Variants in ADAM12 observed in about 807,000 individuals in gnomAD.
ADAM12 encodes the protein disintegrin and metalloproteinase domain-containing protein 12.
ADAM12 carries 70 observed loss-of-function variants against 106.4 expected under a neutral mutation model. That is an observed-to-expected ratio of 0.66 (90% CI 0.54 to 0.80). The LOEUF is 0.80. Ranked by LOEUF, ADAM12 falls within the 30% of genes least tolerant of loss-of-function variation. The probability of loss-of-function intolerance (pLI) is 0.00; values close to 1 mark genes in which losing one functional copy is unlikely to be tolerated. For missense variants in ADAM12, 1,010 were observed against 1,171.9 expected (o/e 0.86, Z 2.02); for synonymous variants, 420 against 433.5 (o/e 0.97, Z 0.39).
At chr10:126,334,307 G>C (rs990090381) in intron 1 of ADAM12, among the ~76,000 whole-genome samples, 11 of 151,942 alleles carry the variant, frequency 7.2e-5, no homozygotes, top group Non-Finnish European at 1.0e-4. Context: ...TATATATTTG[G>C]GCATCAACAG....
chr10:126,266,666 T>C (rs10901576), intron 3 of ADAM12, among the ~76,000 whole-genome samples: 53,608 of 151,956 alleles, frequency 0.35, 9,630 homozygotes, highest in South Asian at 0.49. Flanking sequence ...AATTGGCTCA[T>C]GGTTCTGCAA....
At chr10:126,182,522 A>T (rs1957331489) in intron 3 of ADAM12, among the ~76,000 whole-genome samples, 1 of 152,258 alleles carries the variant, frequency 6.6e-6, no homozygotes, top group South Asian at 2.1e-4. Context: ...CAAAAGACGT[A>T]AAAGCATGAA....
chr10:126,126,370 T>A (rs1956206426), intron 5 of ADAM12, among the ~76,000 whole-genome samples: 1 of 152,190 alleles, frequency 6.6e-6, no homozygotes, highest in African/African-American at 2.4e-5. Context: ...TGCAACCTGC[T>A]TCCTGTCACT....
At chr10:126,299,826 T>C (rs964817854) in intron 2 of ADAM12, among the ~76,000 whole-genome samples, 1 of 152,112 alleles carries the variant, frequency 6.6e-6, no homozygotes, top group African/African-American at 2.4e-5. Flanking sequence ...GTATTTTTAG[T>C]AGAGACGGGG....
chr10:126,039,354 T>C lies in ADAM12; in HGVS notation c.2180A>G (p.Lys727Arg). The C allele has an allele frequency of 6.2e-7, 1 of 1,614,100 alleles. No individual in the cohort carries two copies. The highest frequency in any genetic ancestry group is 1.3e-5 in the African/African-American group (1 of 75,008). The change falls in exon 19 of 23, where the codon AAA becomes AGA. Residue 727 changes from lysine to arginine, a missense_variant. Physicochemically the swap from Lys to Arg is conservative, Grantham distance 26 (BLOSUM62 2). Coordinates refer to ENST00000448723, the MANE Select transcript of ADAM12 (RefSeq NM_001288973.2). Reference sequence around the variant, plus strand: ...CAGCAGTCGTATCAAGGTCTTCCTTTTGAGATAAACCACAAATCCGGCAGC... The same window carrying C: ...CAGCAGTCGTATCAAGGTCTTCCTTCTGAGATAAACCACAAATCCGGCAGC... ...LLAAGFVVYL[K>R]RKTLIRLLFT... is the part of the protein sequence containing the mutation.
intron 21 of ADAM12, among the ~76,000 whole-genome samples, chr10:126,032,895 G>A (rs1953994774): frequency 6.6e-6 from 1 of 152,112 alleles, no homozygotes; most frequent in African/African-American, 2.4e-5. Flanking sequence ...AATGAAATGG[G>A]AGTGGACTTT....
chr10:126,342,080 T>C (rs1247771772), intron 1 of ADAM12, among the ~76,000 whole-genome samples: 2 of 152,140 alleles, frequency 1.3e-5, no homozygotes, highest in Non-Finnish European at 2.9e-5. Context: ...ACAGCAGGAA[T>C]GTTCATTTCC....
At chr10:126,177,809 T>A (rs1957245809) in intron 3 of ADAM12, among the ~76,000 whole-genome samples, 1 of 152,160 alleles carries the variant, frequency 6.6e-6, no homozygotes, top group Admixed American at 6.5e-5. Flanking sequence ...AGAATGGGAA[T>A]TAACTGCGGC....
intron 2 of ADAM12, among the ~76,000 whole-genome samples, chr10:126,328,662 G>A (rs755032759): frequency 1.3e-5 from 2 of 152,134 alleles, no homozygotes; most frequent in Non-Finnish European, 2.9e-5. Flanking sequence ...TGAGCCCACT[G>A]GCATTACAAC....
At position 126,036,173 on chromosome 10, in the gene ADAM12, T is replaced by C; in HGVS notation, c.2502A>G (p.Pro834=). The C allele has an allele frequency of 6.7e-7, 1 of 1,500,588 alleles. No homozygotes were observed. The highest frequency in any genetic ancestry group is 1.3e-5 in the South Asian group (1 of 74,074). The allele number at this position is 1,500,588 out of a possible 1,614,324, so 93.0% of individuals were successfully genotyped here. A position where few individuals can be genotyped will look rare whatever the true frequency, so the allele number is the denominator to read the frequency against. The part of the protein sequence containing the change: ...RAPSVPARPL[P]AKPALRQAQG... Reference sequence around the variant, plus strand: ...GGGCCTGCCTAAGTGCAGGCTTGGCTGGCAGGGGTCTGGCAGGGACGCTAG... The same window carrying C: ...GGGCCTGCCTAAGTGCAGGCTTGGCCGGCAGGGGTCTGGCAGGGACGCTAG... Residue 834 remains proline (P), a synonymous_variant, in exon 21 of 23, where the codon CCA becomes CCG. Coordinates refer to ENST00000448723, the MANE Select transcript of ADAM12 (RefSeq NM_001288973.2).
intron 3 of ADAM12, among the ~76,000 whole-genome samples, chr10:126,248,648 GGTATGTATGTAT>G (rs144495308): frequency 4.1e-5 from 6 of 148,100 alleles, no homozygotes; most frequent in East Asian, 2.0e-4. Context: ...GAGCCTCACA[GGTATGTATGTAT>G]GTATGTATGT....
rs542985234 is a variant in ADAM12 at position 126,053,690 on chromosome 10, G to T, written c.1610-4021C>A. ...CGTGGAACAATTTTACTGAGATGACGTTTCCTTTGGTCTCAGTCTTTTTAT... is the reference window on the plus strand; with the variant it reads ...CGTGGAACAATTTTACTGAGATGACTTTTCCTTTGGTCTCAGTCTTTTTAT... On this transcript the variant is annotated intron_variant, in intron 14 of 22. Coordinates refer to ENST00000448723, the MANE Select transcript of ADAM12 (RefSeq NM_001288973.2). This position sits in a 1 kb window ranked among gnomAD's most constrained non-coding sequence, Gnocchi z 4.6. Among the ~76,000 whole-genome samples, 8 of 151,832 alleles carry T rather than the reference G, an allele frequency of 5.3e-5. No individual in the cohort carries two copies. The South Asian group carries it at 1.7e-3, about 32-fold the overall frequency.
intron 2 of ADAM12, among the ~76,000 whole-genome samples, chr10:126,321,198 A>G (rs1590777906): frequency 1.3e-5 from 2 of 152,220 alleles, no homozygotes; most frequent in Non-Finnish European, 2.9e-5. Flanking sequence ...CATAAAAAGC[A>G]TTACTCAGGA....
intron 14 of ADAM12, among the ~76,000 whole-genome samples, chr10:126,055,252 C>T (rs1207323243): frequency 1.3e-5 from 2 of 152,194 alleles, no homozygotes; most frequent in Non-Finnish European, 2.9e-5. Context: ...CTTCCAGACT[C>T]CCCCTGAGTC....
chr10:126,201,248 G>C (rs1446275403), intron 3 of ADAM12, among the ~76,000 whole-genome samples: 1 of 152,162 alleles, frequency 6.6e-6, no homozygotes, highest in Non-Finnish European at 1.5e-5. Flanking sequence ...GTTCTTTGCA[G>C]ACGTAACCAA....
At chr10:126,177,467 A>G (rs1957240369) in intron 3 of ADAM12, among the ~76,000 whole-genome samples, 1 of 152,192 alleles carries the variant, frequency 6.6e-6, no homozygotes, top group Non-Finnish European at 1.5e-5. Context: ...CTAAGACACA[A>G]AGAGATTACA....
At chr10:126,091,240 T>G (rs1039845924) in intron 11 of ADAM12, among the ~76,000 whole-genome samples, 8 of 152,196 alleles carry the variant, frequency 5.3e-5, no homozygotes, top group Non-Finnish European at 1.2e-4. Context: ...TTTACAGACA[T>G]GTGATCTCAT....
rs184970510 is a variant in ADAM12 at position 126,044,252 on chromosome 10, G to A, written c.1996-1104C>T. ...GGAGTTCAAGACCAGCCTAGCCAAC[G>A]TGGTGAAACCCTGTCTTTATAAAGA... On this transcript the variant is annotated intron_variant, in intron 17 of 22. Transcript: ENST00000448723. Among the ~76,000 whole-genome samples, 342 of 151,370 alleles carry A rather than the reference G, an allele frequency of 2.3e-3. 1 individual carries two copies. The highest frequency in any genetic ancestry group is 4.0e-3 in the Non-Finnish European group (273 of 67,908).
chr10:126,380,233 T>A (rs1016237183), intron 1 of ADAM12, among the ~76,000 whole-genome samples: 1 of 152,188 alleles, frequency 6.6e-6, no homozygotes, highest in Non-Finnish European at 1.5e-5. Flanking sequence ...GGAGAAAGTA[T>A]GAAGATTGAA....
Sources: gnomAD v4.1 joint callset for allele counts (sites outside exome capture counted in the v4.1 genomes callset) on GRCh38, gnomAD v4.1.1 for gene constraint, Gnocchi (gnomAD v3.1) non-coding constraint, MANE v1.5 for transcripts, NCBI Gene and HGNC (gene_info 2026-07-23, HGNC 2026-07-21) for gene names.